The following EXOC4 variants were observed in gnomAD, a reference collection of about 807,000 sequenced individuals.
EXOC4 encodes SEC8-like 1.
In EXOC4, 71 loss-of-function variants were observed where a neutral mutation model predicts 107.2. The observed-to-expected ratio is 0.66, with a 90% CI of 0.55 to 0.81. The LOEUF (loss-of-function observed/expected upper bound fraction) is 0.81, where lower values mean the gene tolerates loss of function less well. Ranked by LOEUF, EXOC4 falls within the 30% of genes least tolerant of loss-of-function variation. The pLI is 0.00. For missense variants in EXOC4, 1,108 were observed against 1,189.6 expected, an observed-to-expected ratio of 0.93 and a Z score of 1.01; for synonymous variants, 456 against 441.2, an observed-to-expected ratio of 1.03 and a Z score of -0.42.
intron 9 of EXOC4, among the ~76,000 whole-genome samples, chr7:133,535,032 G>A (rs1800247379): frequency 6.6e-6 from 1 of 152,128 alleles, no homozygotes; most frequent in Non-Finnish European, 1.5e-5. Context: ...GACGAGATGG[G>A]CCCTCATTTG....
intron 9 of EXOC4, among the ~76,000 whole-genome samples, chr7:133,564,343 T>G (rs1024253925): frequency 1.3e-5 from 2 of 152,028 alleles, no homozygotes; most frequent in African/African-American, 2.4e-5. Context: ...TCATGAGAAC[T>G]CACTCACTAT....
At chr7:133,523,210 A>C (rs1800012617) in intron 9 of EXOC4, among the ~76,000 whole-genome samples, 1 of 152,220 alleles carries the variant, frequency 6.6e-6, no homozygotes, top group African/African-American at 2.4e-5. Context: ...AGGATATCAT[A>C]GAATAAATGG....
intron 2 of EXOC4, among the ~76,000 whole-genome samples, chr7:133,288,306 C>T (rs1354121187): frequency 6.6e-6 from 1 of 152,136 alleles, no homozygotes. Context: ...CTATACTATG[C>T]AGATCTACAG....
chr7:133,553,650 T>A (rs991850904), intron 9 of EXOC4, among the ~76,000 whole-genome samples: 1 of 152,070 alleles, frequency 6.6e-6, no homozygotes, highest in African/African-American at 2.4e-5. Flanking sequence ...TGTCCCTTAA[T>A]TTTTTTTCCT....
intron 10 of EXOC4, among the ~76,000 whole-genome samples, chr7:133,656,880 T>C (rs1417996411): frequency 2.0e-5 from 3 of 152,178 alleles, no homozygotes; most frequent in Non-Finnish European, 2.9e-5. Flanking sequence ...AAGTTATGAT[T>C]TTGGGACTTG....
At chr7:133,781,997 T>G (rs888309) in intron 10 of EXOC4, among the ~76,000 whole-genome samples, 131,332 of 152,164 alleles carry the variant, frequency 0.86, 56,833 homozygotes, top group East Asian at 0.99. Flanking sequence ...AATCATTTCT[T>G]TGTAATCCTA....
At chr7:133,287,358 T>C (rs1794304970) in intron 2 of EXOC4, among the ~76,000 whole-genome samples, 1 of 152,116 alleles carries the variant, frequency 6.6e-6, no homozygotes, top group Admixed American at 6.5e-5. Flanking sequence ...TCGCCCAGGC[T>C]GGAGTGCAGT....
At chr7:133,959,396 G>A (rs189051524) in intron 14 of EXOC4, among the ~76,000 whole-genome samples, 1 of 151,794 alleles carries the variant, frequency 6.6e-6, no homozygotes, top group East Asian at 1.9e-4. Context: ...AAAAAATAAA[G>A]TGAAATAAAA....
intron 14 of EXOC4, among the ~76,000 whole-genome samples, chr7:133,972,818 T>A (rs187264856): frequency 1.3e-4 from 20 of 152,202 alleles, no homozygotes; most frequent in African/African-American, 4.8e-4. Context: ...TCCCTGTTTT[T>A]GCCTTTGATC....
intron 11 of EXOC4, among the ~76,000 whole-genome samples, chr7:133,877,601 T>C (rs1481465037): frequency 6.6e-6 from 1 of 152,134 alleles, no homozygotes; most frequent in Non-Finnish European, 1.5e-5. Flanking sequence ...AGTGGGAACA[T>C]GGACCATTCA....
At chr7:134,054,136 G>A (rs1045729827) in intron 17 of EXOC4, among the ~76,000 whole-genome samples, 10 of 152,030 alleles carry the variant, frequency 6.6e-5, no homozygotes, top group Non-Finnish European at 1.2e-4. Flanking sequence ...TGGTAAAGAC[G>A]GAGTTTTGCC....
chr7:133,479,555 T>A (rs1372994642), intron 8 of EXOC4: 1 of 153,444 alleles, frequency 6.5e-6, no homozygotes, highest in Non-Finnish European at 1.5e-5. Flanking sequence ...CTGGTGCTGT[T>A]ATTCAGCCAC....
chr7:133,416,892 G>A (rs1348649575), intron 7 of EXOC4, among the ~76,000 whole-genome samples: 1 of 152,160 alleles, frequency 6.6e-6, no homozygotes, highest in Non-Finnish European at 1.5e-5. Flanking sequence ...AGAGGGCCTG[G>A]TGGTGATGAA....
intron 10 of EXOC4, among the ~76,000 whole-genome samples, chr7:133,706,766 G>T (rs1298350894): frequency 6.6e-6 from 1 of 152,092 alleles, no homozygotes; most frequent in Non-Finnish European, 1.5e-5. Context: ...TAATATCCCT[G>T]CATGGCTTAT....
intron 11 of EXOC4, among the ~76,000 whole-genome samples, chr7:133,821,505 T>C (rs1797520090): frequency 6.6e-6 from 1 of 152,236 alleles, no homozygotes; most frequent in Admixed American, 6.5e-5. Context: ...ATTTTGACAT[T>C]GTCTGTTGAA....
At chr7:133,843,910 T>C (rs1348059438) in intron 11 of EXOC4, among the ~76,000 whole-genome samples, 1 of 152,232 alleles carries the variant, frequency 6.6e-6, no homozygotes, top group Non-Finnish European at 1.5e-5. Context: ...TCTGCATCCA[T>C]TGAGCTAATC....
At chr7:133,613,142 T>C (rs1184727594) in intron 9 of EXOC4, among the ~76,000 whole-genome samples, 2 of 152,208 alleles carry the variant, frequency 1.3e-5, no homozygotes, top group Non-Finnish European at 2.9e-5. Flanking sequence ...GATATTAGTC[T>C]ATTTTTATCA....
chr7:133,598,962 C>T (rs796658839), intron 9 of EXOC4, among the ~76,000 whole-genome samples: 2 of 151,820 alleles, frequency 1.3e-5, no homozygotes, highest in African/African-American at 4.8e-5. Context: ...CCAGCCTGGG[C>T]GACAGAGTGA....
chr7:133,614,284 A>C lies in EXOC4; in HGVS notation c.1418-15761A>C, dbSNP rs377054163. On this transcript the variant is annotated intron_variant, in intron 9 of 17. Transcript: ENST00000253861. Reference sequence around the variant, plus strand: ...ATGATTGGGACTGCCCTTATCTGTAAGTCTGGAAGGGAAAAGATGAACAGC... The same window carrying C: ...ATGATTGGGACTGCCCTTATCTGTACGTCTGGAAGGGAAAAGATGAACAGC... Among the ~76,000 whole-genome samples the C allele has an allele frequency of 4.9e-4, 75 of 152,300 alleles. 1 individual carries two copies. The South Asian group carries it at 0.016, about 32-fold the overall frequency.
Sources: allele counts gnomAD v4.1 joint callset (sites outside exome capture counted in the v4.1 genomes callset), GRCh38; gene constraint gnomAD v4.1.1; transcripts MANE v1.5; gene names NCBI Gene and HGNC (gene_info 2026-07-23, HGNC 2026-07-21).